Variants in PAMR1 observed in about 807,000 individuals in gnomAD.
The protein encoded by PAMR1 is peptidase domain containing associated with muscle regeneration 1, also known as inactive serine protease PAMR1.
A neutral mutation model predicts 81.8 loss-of-function variants in PAMR1; 88 were observed. The observed-to-expected ratio is 1.08, with a 90% CI of 0.91 to 1.28. PAMR1 has a LOEUF of 1.28. Ranked by LOEUF, PAMR1 falls within the 50% of genes most tolerant of loss-of-function variation. PAMR1 has a pLI of 0.00. For synonymous variants in PAMR1, 336 were observed against 345.3 expected (o/e 0.97, Z 0.30); for missense variants, 935 against 919.7 (o/e 1.02, Z -0.21).
At chr11:35,497,798 ACTTCT>A (rs1344291766) in intron 1 of PAMR1, among the ~76,000 whole-genome samples, 15 of 152,350 alleles carry the variant, frequency 9.8e-5, no homozygotes, top group Admixed American at 2.6e-4. Context: ...ATAACATTCA[ACTTCT>A]CTTCTTTCTC....
chr11:35,433,821 GGGATGGATGGAT>G (rs377245331), intron 10 of PAMR1, among the ~76,000 whole-genome samples: 1 of 149,410 alleles, frequency 6.7e-6, no homozygotes, highest in South Asian at 2.1e-4. Flanking sequence ...GAGGGATGGA[GGGATGGATGGAT>G]GGATGGATGG....
chr11:35,470,703 G>A lies in PAMR1; in HGVS notation c.610C>T (p.Pro204Ser). 6.2e-7 allele frequency: 1 copy of A among 1,614,134 alleles called. No homozygotes were observed. Among genetic ancestry groups the A allele is most frequent in the Non-Finnish European group, 8.5e-7 (1 of 1,179,990 alleles). Residue 204 changes from proline (P) to serine (S), a missense_variant, in exon 5 of 11, where the codon CCA (proline) becomes TCA (serine). By Grantham distance (74) the Pro-to-Ser change is moderately conservative. Transcript: ENST00000619888. ...GATCCTATGCTCTGGATAGGAGCTG[G>A]CCGCTCGTTGCCACAGACACGCTTG... The part of the protein sequence containing the change: ...IIKRVCGNER[P>S]APIQSIGSSL...
chr11:35,495,644 G>A (rs1345120856), intron 1 of PAMR1, among the ~76,000 whole-genome samples: 3 of 152,144 alleles, frequency 2.0e-5, no homozygotes, highest in Non-Finnish European at 4.4e-5. Context: ...TCCAGGCAGG[G>A]ATCACCAGCA....
intron 4 of PAMR1, among the ~76,000 whole-genome samples, chr11:35,471,102 G>A (rs1053192224): frequency 3.3e-5 from 5 of 152,186 alleles, no homozygotes. Flanking sequence ...CTCTTTTCCA[G>A]GGCACTTTTT....
At chr11:35,437,935 G>A (rs1856086406) in intron 8 of PAMR1, among the ~76,000 whole-genome samples, 1 of 152,206 alleles carries the variant, frequency 6.6e-6, no homozygotes, top group Non-Finnish European at 1.5e-5. Flanking sequence ...GACAAAAATG[G>A]AAGGAGACAG....
chr11:35,476,367 A>T (rs1850285078), intron 3 of PAMR1, among the ~76,000 whole-genome samples: 1 of 152,126 alleles, frequency 6.6e-6, no homozygotes, highest in Non-Finnish European at 1.5e-5. Context: ...GGTGGGATGT[A>T]ATTTAATCAT....
intron 3 of PAMR1, among the ~76,000 whole-genome samples, chr11:35,478,817 G>A (rs4638283): frequency 0.28 from 42,011 of 151,840 alleles, 6,046 homozygotes; most frequent in African/African-American, 0.35. Flanking sequence ...CAGGAGAAGA[G>A]GGGTATAGGT....
At chr11:35,481,588 C>A (rs1008140561) in intron 3 of PAMR1, among the ~76,000 whole-genome samples, 5 of 152,018 alleles carry the variant, frequency 3.3e-5, no homozygotes, top group African/African-American at 1.2e-4. Flanking sequence ...AGTGGCATGA[C>A]CTCGGCTCAC....
chr11:35,494,168 C>A lies in PAMR1; in HGVS notation c.178G>T (p.Glu60Ter). 6.2e-7 allele frequency: 1 copy of A among 1,614,124 alleles called. No homozygotes were observed. The highest frequency in any genetic ancestry group is 8.5e-7 in the Non-Finnish European group (1 of 1,179,954). ...CAAGGGATGGTATAACCCACGACTT[C>A]CCTCTTTCCGGGGCAGACGCACTCA... ...QIECVCPGKR[E>*]VVGYTIPCCR... Residue 60 changes from glutamate to a stop codon, truncating the protein, a stop_gained, in exon 2 of 11, where the codon GAA becomes TAA. Coordinates refer to ENST00000619888, the MANE Select transcript of PAMR1 (RefSeq NM_001001991.3). LOFTEE classifies it high-confidence loss of function.
At chr11:35,498,140 C>T (rs1052415974) in intron 1 of PAMR1, among the ~76,000 whole-genome samples, 1 of 152,184 alleles carries the variant, frequency 6.6e-6, no homozygotes, top group Admixed American at 6.5e-5. Context: ...TTTGTAAATC[C>T]ATGTGGTATA....
intron 8 of PAMR1, among the ~76,000 whole-genome samples, chr11:35,438,746 G>C (rs1387659283): frequency 2.0e-5 from 3 of 152,196 alleles, no homozygotes; most frequent in Non-Finnish European, 4.4e-5. Context: ...TAAGACAACA[G>C]GTGGAGAGAG....
intron 6 of PAMR1, among the ~76,000 whole-genome samples, chr11:35,442,287 A>G (rs1180438968): frequency 1.3e-5 from 2 of 152,204 alleles, no homozygotes; most frequent in Non-Finnish European, 2.9e-5. Context: ...TTGATCTCCA[A>G]ATATAACTTT....
chr11:35,515,778 T>G (rs572523231), intron 1 of PAMR1, among the ~76,000 whole-genome samples: 3 of 152,132 alleles, frequency 2.0e-5, no homozygotes, highest in Non-Finnish European at 4.4e-5. Context: ...GGATGCATGT[T>G]AAAACCAAGG....
At chr11:35,521,218 C>T (rs1352237502) in intron 1 of PAMR1, among the ~76,000 whole-genome samples, 2 of 152,144 alleles carry the variant, frequency 1.3e-5, no homozygotes, top group Admixed American at 6.5e-5. Context: ...AGATTATGCT[C>T]CATGAAATAT....
At chr11:35,469,461 G>A (rs184126118) in intron 5 of PAMR1, among the ~76,000 whole-genome samples, 6 of 152,274 alleles carry the variant, frequency 3.9e-5, no homozygotes, top group African/African-American at 1.4e-4. Flanking sequence ...CATGTGGGAC[G>A]TTGCTCAGCC....
chr11:35,449,902 C>T (rs576325577), intron 6 of PAMR1, among the ~76,000 whole-genome samples: 26 of 152,198 alleles, frequency 1.7e-4, no homozygotes, highest in African/African-American at 6.0e-4. Flanking sequence ...CTTTTCCTTG[C>T]TTTCCATGGG....
chr11:35,500,508 C>T (rs936308271), intron 1 of PAMR1, among the ~76,000 whole-genome samples: 1 of 152,152 alleles, frequency 6.6e-6, no homozygotes, highest in Non-Finnish European at 1.5e-5. Flanking sequence ...CCCACAAATA[C>T]ATAATCATAA....
At chr11:35,516,188 A>T (rs914598626) in intron 1 of PAMR1, among the ~76,000 whole-genome samples, 3 of 152,206 alleles carry the variant, frequency 2.0e-5, no homozygotes, top group African/African-American at 7.2e-5. Context: ...AGCGAGGGGA[A>T]GTAACTTGCT....
At chr11:35,434,360 C>T in intron 10 of PAMR1, 152 bp downstream of exon 10, 1 of 657,582 alleles carries the variant, frequency 1.5e-6, no homozygotes. Context: ...CATCTAGTAT[C>T]TCAATATGAA....
Sources: allele counts gnomAD v4.1 joint callset (sites outside exome capture counted in the v4.1 genomes callset), GRCh38; gene constraint gnomAD v4.1.1; transcripts MANE v1.5; gene names NCBI Gene and HGNC (gene_info 2026-07-23, HGNC 2026-07-21).